ADGRD1: variants seen among roughly 807,000 people sequenced by gnomAD.
ADGRD1 encodes G-protein coupled receptor 133.
In ADGRD1, 77 loss-of-function variants were observed where a neutral mutation model predicts 113.4. The observed-to-expected ratio is 0.68, with a 90% CI of 0.57 to 0.82. The LOEUF is 0.82. Ranked by LOEUF, ADGRD1 falls within the 40% of genes least tolerant of loss-of-function variation. The pLI is 0.00. For missense variants in ADGRD1, 1,036 were observed against 1,139.1 expected (o/e 0.91, Z 1.30); for synonymous variants, 474 against 475.0 (o/e 1.00, Z 0.03).
In ADGRD1 at chr12:131,003,045, T is replaced by C; in HGVS notation, c.1027-140T>C. 1.3e-6 allele frequency: 1 copy of C among 768,670 alleles called. No individual in the cohort carries two copies. The highest frequency in any genetic ancestry group is 1.8e-5 in the Admixed American group (1 of 55,642). 47.6% of individuals were successfully genotyped at this position (768,670 alleles called of 1,614,324 possible). Reference sequence around the variant, plus strand: ...CTCCGTGTGGTCCCCTCCTGATCCATGGGAAGGGGCAGTTGTGTGACTTCT... The same window carrying C: ...CTCCGTGTGGTCCCCTCCTGATCCACGGGAAGGGGCAGTTGTGTGACTTCT... On this transcript the variant is annotated intron_variant, in intron 9 of 24. Coordinates refer to ENST00000261654, the MANE Select transcript of ADGRD1 (RefSeq NM_198827.5). The surrounding 1 kb of genome is among the most constrained non-coding windows in gnomAD (Gnocchi z 4.8).
intron 13 of ADGRD1, among the ~76,000 whole-genome samples, chr12:131,053,315 G>A (rs1883567163): frequency 6.6e-6 from 1 of 152,222 alleles, no homozygotes; most frequent in Admixed American, 6.5e-5. Context: ...CTTTCTTCAC[G>A]TGCATGTGCT....
chr12:130,973,816 G>A (rs1277514363), intron 4 of ADGRD1, among the ~76,000 whole-genome samples: 5 of 152,280 alleles, frequency 3.3e-5, no homozygotes, highest in East Asian at 1.9e-4. Flanking sequence ...CCGGGGGTGC[G>A]GTGGCTCACA....
intron 13 of ADGRD1, among the ~76,000 whole-genome samples, chr12:131,074,526 C>T (rs1429199585): frequency 4.6e-5 from 7 of 152,294 alleles, no homozygotes; most frequent in Admixed American, 2.0e-4. Flanking sequence ...CAGGGAGGCT[C>T]GTGGGCTGTG....
intron 4 of ADGRD1, among the ~76,000 whole-genome samples, chr12:130,976,241 A>G (rs950901830): frequency 2.0e-5 from 3 of 152,040 alleles, no homozygotes; most frequent in Non-Finnish European, 4.4e-5. Flanking sequence ...TACTCAGGCG[A>G]TCTGGGGTCA....
intron 8 of ADGRD1, among the ~76,000 whole-genome samples, chr12:130,996,354 C>T (rs1593319429): frequency 7.6e-6 from 1 of 131,654 alleles, no homozygotes; most frequent in South Asian, 2.3e-4. Context: ...TAGGGGCGGC[C>T]GGGCAGAGGC....
chr12:131,121,852 C>T (rs1464988536), intron 20 of ADGRD1: 1 of 152,506 alleles, frequency 6.6e-6, no homozygotes, highest in East Asian at 1.9e-4. Context: ...CATCGCAAGT[C>T]CCAGGCTGGT....
intron 4 of ADGRD1, chr12:130,981,161 T>G (rs1246860597): frequency 2.0e-5 from 3 of 152,226 alleles, no homozygotes; most frequent in Non-Finnish European, 2.9e-5. Flanking sequence ...AGGCATATAG[T>G]CTGAGATATG....
chr12:131,019,557 G>A (rs375034923), intron 13 of ADGRD1, among the ~76,000 whole-genome samples: 1 of 152,232 alleles, frequency 6.6e-6, no homozygotes, highest in Non-Finnish European at 1.5e-5. Context: ...AGGAATGAGC[G>A]AAGCAGAGTC....
chr12:130,981,591 G>C (rs1026455951), intron 4 of ADGRD1, among the ~76,000 whole-genome samples: 3 of 152,144 alleles, frequency 2.0e-5, no homozygotes, highest in African/African-American at 7.2e-5. Flanking sequence ...GTGACCTTGA[G>C]TGAATGAGCC....
intron 23 of ADGRD1, chr12:131,137,223 G>T: frequency 1.7e-6 from 1 of 606,054 alleles, no homozygotes; most frequent in African/African-American, 1.8e-5. Flanking sequence ...CGATATGCAA[G>T]CATCCTCTCT....
At chr12:131,017,128 A>G (rs1345964227) in intron 13 of ADGRD1, among the ~76,000 whole-genome samples, 3 of 152,084 alleles carry the variant, frequency 2.0e-5, no homozygotes, top group African/African-American at 7.2e-5. Context: ...ATGAGAGCAC[A>G]GCTTGAGTGC....
chr12:130,957,255 A>G (rs1022437336), intron 2 of ADGRD1: 1 of 152,366 alleles, frequency 6.6e-6, no homozygotes, highest in Admixed American at 6.5e-5. Context: ...CAGACTACAC[A>G]CATCCACATG....
intron 8 of ADGRD1, among the ~76,000 whole-genome samples, chr12:130,999,676 G>A (rs1876089666): frequency 6.6e-6 from 1 of 152,188 alleles, no homozygotes; most frequent in African/African-American, 2.4e-5. Context: ...ATGAGCGTAT[G>A]AGGCAGTGGG....
chr12:131,019,022 C>T (rs947342276), intron 13 of ADGRD1, among the ~76,000 whole-genome samples: 28 of 152,218 alleles, frequency 1.8e-4, no homozygotes, highest in African/African-American at 5.8e-4. Context: ...GCCGTGGTGG[C>T]CCAGCCTGTG....
intron 17 of ADGRD1, among the ~76,000 whole-genome samples, chr12:131,107,889 C>G (rs1321066174): frequency 6.6e-6 from 1 of 152,236 alleles, no homozygotes; most frequent in Non-Finnish European, 1.5e-5. Flanking sequence ...GCCAGCAGAG[C>G]TGGGTTGTCC....
chr12:131,116,633 C>G (rs1037815592), intron 18 of ADGRD1, among the ~76,000 whole-genome samples: 1 of 152,212 alleles, frequency 6.6e-6, no homozygotes, highest in African/African-American at 2.4e-5. Context: ...GCTACGGAGG[C>G]AGAGAGCCAC....
At chr12:131,009,463 C>T (rs1027191882) in intron 12 of ADGRD1, among the ~76,000 whole-genome samples, 4 of 152,156 alleles carry the variant, frequency 2.6e-5, no homozygotes, top group African/African-American at 4.8e-5. Flanking sequence ...TGACTCTGGA[C>T]TGTGCATTAG....
intron 13 of ADGRD1, among the ~76,000 whole-genome samples, chr12:131,018,989 T>A (rs1488353984): frequency 1.3e-5 from 2 of 152,210 alleles, no homozygotes; most frequent in Non-Finnish European, 2.9e-5. Context: ...GGGCACAGAC[T>A]CGTAGGCCTC....
intron 4 of ADGRD1, among the ~76,000 whole-genome samples, chr12:130,973,765 G>A (rs1871967352): frequency 6.6e-6 from 1 of 150,606 alleles, no homozygotes; most frequent in Non-Finnish European, 1.5e-5. Flanking sequence ...TTAAGATACT[G>A]TTCATGTGGC....
Sources: allele counts gnomAD v4.1 joint callset (sites outside exome capture counted in the v4.1 genomes callset), GRCh38; gene constraint gnomAD v4.1.1; non-coding constraint Gnocchi (gnomAD v3.1); transcripts MANE v1.5; gene names NCBI Gene and HGNC (gene_info 2026-07-23, HGNC 2026-07-21).